VTI1A: variants seen among roughly 807,000 people sequenced by gnomAD.
VTI1A encodes vesicle transport through interaction with t-SNAREs homolog 1A.
In VTI1A, 22 loss-of-function variants were observed where a neutral mutation model predicts 34.9. The observed-to-expected ratio is 0.63, with a 90% confidence interval of 0.45 to 0.90. The LOEUF is 0.90. Among genes scored for constraint, VTI1A ranks in the 40% least tolerant of loss-of-function variants. VTI1A has a pLI of 0.00. For synonymous variants in VTI1A, 87 were observed against 97.3 expected (o/e 0.89, Z 0.62); for missense variants, 268 against 275.6 (o/e 0.97, Z 0.20).
chr10:112,461,299 C>T (rs2134043227), intron 2 of VTI1A, among the ~76,000 whole-genome samples: 2 of 152,316 alleles, frequency 1.3e-5, no homozygotes, highest in South Asian at 4.1e-4. Flanking sequence ...CACATTATTT[C>T]CTCTCCCTGA....
At chr10:112,571,969 C>G (rs1024275203) in intron 5 of VTI1A, among the ~76,000 whole-genome samples, 1 of 152,116 alleles carries the variant, frequency 6.6e-6, no homozygotes, top group Non-Finnish European at 1.5e-5. Flanking sequence ...ACAGCAGACA[C>G]TGGAGACAAC....
At chr10:112,769,797 G>A (rs953436006) in intron 7 of VTI1A, among the ~76,000 whole-genome samples, 5 of 152,282 alleles carry the variant, frequency 3.3e-5, no homozygotes, top group African/African-American at 1.2e-4. Flanking sequence ...AGAAAGAGCA[G>A]GTAGGAATCT....
At chr10:112,647,155 T>C (rs1038763569) in intron 5 of VTI1A, among the ~76,000 whole-genome samples, 1 of 152,198 alleles carries the variant, frequency 6.6e-6, no homozygotes, top group African/African-American at 2.4e-5. Context: ...AAAGTTACTT[T>C]AAAACTTTTT....
At chr10:112,851,337 A>G in the VTI1A span, among the ~76,000 whole-genome samples, 1 of 152,210 alleles carries the variant, frequency 6.6e-6, no homozygotes, top group South Asian at 2.1e-4. Flanking sequence ...TCTTCCAACT[A>G]GACAATGTGC....
chr10:112,838,455 T>C, the VTI1A span, among the ~76,000 whole-genome samples: 3 of 152,376 alleles, frequency 2.0e-5, no homozygotes, highest in Admixed American at 6.5e-5. Context: ...TCATATATGG[T>C]GTAGATTACA....
chr10:112,640,034 A>G (rs935488203), intron 5 of VTI1A, among the ~76,000 whole-genome samples: 3 of 152,224 alleles, frequency 2.0e-5, no homozygotes, highest in Non-Finnish European at 4.4e-5. Flanking sequence ...TTTGAAGAGT[A>G]ATGATTCAAG....
At chr10:112,691,632 G>A (rs1186864851) in intron 7 of VTI1A, among the ~76,000 whole-genome samples, 1 of 152,208 alleles carries the variant, frequency 6.6e-6, no homozygotes, top group Non-Finnish European at 1.5e-5. Context: ...GGCATACATA[G>A]AAATGTGAGT....
chr10:112,630,443 A>G (rs1382179584), intron 5 of VTI1A, among the ~76,000 whole-genome samples: 1 of 152,192 alleles, frequency 6.6e-6, no homozygotes, highest in Non-Finnish European at 1.5e-5. Flanking sequence ...CTAGTATGGA[A>G]TCAGGTTTTG....
chr10:112,744,048 T>G (rs1033942474), intron 7 of VTI1A, among the ~76,000 whole-genome samples: 2 of 152,192 alleles, frequency 1.3e-5, no homozygotes, highest in African/African-American at 2.4e-5. Flanking sequence ...TCTTTGTCGG[T>G]TTGTGTTTTT....
At chr10:112,584,620 G>C (rs1564837171) in intron 5 of VTI1A, among the ~76,000 whole-genome samples, 1 of 152,184 alleles carries the variant, frequency 6.6e-6, no homozygotes, top group Non-Finnish European at 1.5e-5. Flanking sequence ...AATTCAAATT[G>C]TGACCGACAA....
intron 7 of VTI1A, among the ~76,000 whole-genome samples, chr10:112,738,957 G>A (rs1054584763): frequency 5.9e-5 from 9 of 152,258 alleles, no homozygotes; most frequent in South Asian, 4.2e-4. Context: ...GCCTGAACTC[G>A]CTCTGAATGG....
chr10:112,679,781 C>T (rs1317524641), intron 7 of VTI1A, among the ~76,000 whole-genome samples: 8 of 151,860 alleles, frequency 5.3e-5, no homozygotes, highest in Admixed American at 4.6e-4. Flanking sequence ...AAAAAAACAC[C>T]TGTCAACCAT....
chr10:112,534,886 T>G (rs919683312), intron 4 of VTI1A, among the ~76,000 whole-genome samples: 1 of 152,144 alleles, frequency 6.6e-6, no homozygotes, highest in Non-Finnish European at 1.5e-5. Context: ...TTAATGGAAC[T>G]AACAATTGAC....
At chr10:112,836,182 G>A in the VTI1A span, among the ~76,000 whole-genome samples, 109 of 152,312 alleles carry the variant, frequency 7.2e-4, no homozygotes, top group Non-Finnish European at 1.0e-3. Flanking sequence ...GATTAGTTTC[G>A]TCAATGAATG....
chr10:112,689,644 C>G (rs1158007525), intron 7 of VTI1A, among the ~76,000 whole-genome samples: 1 of 152,150 alleles, frequency 6.6e-6, no homozygotes, highest in African/African-American at 2.4e-5. Flanking sequence ...TTTTGTATTT[C>G]CTCGGGGCAG....
At chr10:112,623,291 G>A (rs1395123287) in intron 5 of VTI1A, among the ~76,000 whole-genome samples, 1 of 152,172 alleles carries the variant, frequency 6.6e-6, no homozygotes, top group Non-Finnish European at 1.5e-5. Flanking sequence ...AATCCAGCAG[G>A]AAAGAGACAG....
intron 5 of VTI1A, among the ~76,000 whole-genome samples, chr10:112,544,386 T>C (rs532733497): frequency 2.0e-4 from 30 of 152,186 alleles, no homozygotes; most frequent in Middle Eastern, 3.4e-3. Flanking sequence ...TCCACCACCA[T>C]GCCCAGCTAA....
intron 4 of VTI1A, among the ~76,000 whole-genome samples, chr10:112,536,874 G>T (rs1386423373): frequency 6.6e-6 from 1 of 151,858 alleles, no homozygotes; most frequent in African/African-American, 2.4e-5. Context: ...CGTTGTGAAT[G>T]GTAATGATAA....
intron 5 of VTI1A, among the ~76,000 whole-genome samples, chr10:112,552,218 T>C (rs2134301139): frequency 6.6e-6 from 1 of 152,346 alleles, no homozygotes; most frequent in South Asian, 2.1e-4. Context: ...AAATGGAAAT[T>C]TGTTCAAGCT....
Sources: allele counts gnomAD v4.1 joint callset (sites outside exome capture counted in the v4.1 genomes callset), GRCh38; gene constraint gnomAD v4.1.1; transcripts MANE v1.5; gene names NCBI Gene and HGNC (gene_info 2026-07-23, HGNC 2026-07-21).